The following PCOLCE2 variants were observed in gnomAD, a reference collection of about 807,000 sequenced individuals.
PCOLCE2 encodes the protein procollagen C-endopeptidase enhancer 2, also known as procollagen C-proteinase enhancer 2.
A neutral mutation model predicts 47.0 loss-of-function variants in PCOLCE2; 42 were observed. The ratio of observed to expected loss-of-function variants is 0.89; its 90% CI spans 0.70 to 1.16. PCOLCE2 has a LOEUF of 1.16. Among genes scored for constraint, PCOLCE2 ranks in the 50% most tolerant of loss-of-function variants. The probability of loss-of-function intolerance (pLI) is 0.00; values close to 1 mark genes in which losing one functional copy is unlikely to be tolerated. For synonymous variants in PCOLCE2, 169 were observed against 191.7 expected, an observed-to-expected ratio of 0.88 and a Z score of 0.98; for missense variants, 500 against 526.1, an observed-to-expected ratio of 0.95 and a Z score of 0.49.
intron 2 of PCOLCE2, among the ~76,000 whole-genome samples, chr3:142,884,016 A>C (rs1175297386): frequency 6.6e-6 from 1 of 152,164 alleles, no homozygotes; most frequent in Non-Finnish European, 1.5e-5. Context: ...TGTCTCCTGC[A>C]CCCAGCACCA....
Position 142,863,495 on chromosome 3 carries a change from G to C in PCOLCE2, c.193-15023C>G, listed in dbSNP as rs1173772668. ...TCTCAGGAAAGAGGACATTTGATCAGATAGATGGGACATGGAAAAACTTTT... is the reference window on the plus strand; with the variant it reads ...TCTCAGGAAAGAGGACATTTGATCACATAGATGGGACATGGAAAAACTTTT... On this transcript the variant is annotated intron_variant, in intron 2 of 8. Coordinates refer to ENST00000295992, the MANE Select transcript of PCOLCE2 (RefSeq NM_013363.4). Among the ~76,000 whole-genome samples the C allele has an allele frequency of 3.3e-5, 5 of 152,202 alleles. 1 individual carries two copies. The highest frequency in any genetic ancestry group is 1.2e-4 in the African/African-American group (5 of 41,438).
rs564142883 is a variant in PCOLCE2 at position 142,822,058 on chromosome 3, C to T, written c.950-1013G>A. ...TCAGCCTCCCAAGTAGCTGGGATTA[C>T]AGGCATGCACCACCACACCCAGCTA... On this transcript the variant is annotated intron_variant, in intron 7 of 8. Transcript: ENST00000295992. Among the ~76,000 whole-genome samples the T allele has an allele frequency of 3.9e-5, 6 of 152,208 alleles. No individual in the cohort carries two copies. The South Asian group carries it at 1.2e-3, about 32-fold the overall frequency.
At chr3:142,859,130 T>G (rs1396809121) in intron 2 of PCOLCE2, among the ~76,000 whole-genome samples, 1 of 151,806 alleles carries the variant, frequency 6.6e-6, no homozygotes, top group African/African-American at 2.4e-5. Context: ...TGGCATGATC[T>G]CAGCTCATTG....
intron 3 of PCOLCE2, among the ~76,000 whole-genome samples, chr3:142,845,713 C>T (rs560053609): frequency 6.6e-6 from 1 of 152,208 alleles, no homozygotes; most frequent in Non-Finnish European, 1.5e-5. Context: ...GTGGCTCACA[C>T]CTGTAATCCT....
chr3:142,858,525 T>C (rs1365906379), intron 2 of PCOLCE2, among the ~76,000 whole-genome samples: 3 of 152,166 alleles, frequency 2.0e-5, no homozygotes, highest in Non-Finnish European at 2.9e-5. Context: ...TGCGTGCGTG[T>C]GTGTGCGTGT....
chr3:142,836,135 T>C (rs998181988), intron 5 of PCOLCE2, among the ~76,000 whole-genome samples: 6 of 152,186 alleles, frequency 3.9e-5, no homozygotes, highest in African/African-American at 1.4e-4. Flanking sequence ...GACAGTCAGG[T>C]AGTGTAAATT....
chr3:142,820,784 G>T, intron 8 of PCOLCE2, 94 bp downstream of exon 8: 1 of 1,042,508 alleles, frequency 9.6e-7, no homozygotes, highest in Non-Finnish European at 1.4e-6. Flanking sequence ...CAAGAAGTGG[G>T]CAACATATTA....
chr3:142,842,700 T>C lies in PCOLCE2; in HGVS notation c.573+224A>G, dbSNP rs556059306. Among the ~76,000 whole-genome samples, 2 of 151,480 alleles carry C rather than the reference T, an allele frequency of 1.3e-5. No individual in the cohort carries two copies. Among genetic ancestry groups the C allele is most frequent in the African/African-American group, 4.9e-5 (2 of 41,222 alleles). On this transcript the variant is annotated intron_variant, in intron 4 of 8. Coordinates refer to ENST00000295992, the MANE Select transcript of PCOLCE2 (RefSeq NM_013363.4). The surrounding 1 kb of genome is among the most constrained non-coding windows in gnomAD (Gnocchi z 4.1). ...GTTGCGGTGAGCTGAGATCGCACCA[T>C]TGCACTCCAGACAGGGCGACAAGAG...
chr3:142,886,476 T>C (rs1381660065), intron 2 of PCOLCE2, among the ~76,000 whole-genome samples: 1 of 152,244 alleles, frequency 6.6e-6, no homozygotes, highest in Non-Finnish European at 1.5e-5. Context: ...TTTCTATGAC[T>C]TCTTTCCTGG....
chr3:142,873,990 T>C (rs1933447237), intron 2 of PCOLCE2, among the ~76,000 whole-genome samples: 1 of 152,182 alleles, frequency 6.6e-6, no homozygotes, highest in Non-Finnish European at 1.5e-5. Flanking sequence ...AGGAGGAGCC[T>C]GGTGGGAGGT....
At chr3:142,840,611 T>C (rs552623002) in intron 4 of PCOLCE2, among the ~76,000 whole-genome samples, 18 of 152,352 alleles carry the variant, frequency 1.2e-4, no homozygotes, top group Middle Eastern at 6.8e-3. Context: ...TGGACTGAAC[T>C]ACCTTTTAAA....
At chr3:142,835,996 A>G (rs1468387199) in intron 5 of PCOLCE2, among the ~76,000 whole-genome samples, 1 of 131,364 alleles carries the variant, frequency 7.6e-6, no homozygotes, top group Non-Finnish European at 1.8e-5. Context: ...TTTCTTTTGC[A>G]CTGAATTTTT....
At chr3:142,838,697 G>A in intron 5 of PCOLCE2, 73 bp downstream of exon 5, 1 of 1,340,436 alleles carries the variant, frequency 7.5e-7, no homozygotes, top group Non-Finnish European at 1.1e-6. Flanking sequence ...GAAAACAAAT[G>A]TGATTGGGAA....
rs77565355 is a variant in PCOLCE2, at chr3:142,843,111, G to A, written c.449-63C>T. On this transcript the variant is annotated intron_variant, in intron 3 of 8. Coordinates refer to ENST00000295992, the MANE Select transcript of PCOLCE2 (RefSeq NM_013363.4). ...ATGTAGGTTACAGCAATACAACCATGTGGAGATTAGGAATGTGGGATCTTT... is the reference window on the plus strand; with the variant it reads ...ATGTAGGTTACAGCAATACAACCATATGGAGATTAGGAATGTGGGATCTTT... 3.5e-3 allele frequency: 5,287 copies of A among 1,510,222 alleles called. 39 individuals are homozygous for A. The highest frequency in any genetic ancestry group is 0.02 in the South Asian group (1,691 of 86,582). The allele number at this position is 1,510,222 out of a possible 1,614,324, so 93.6% of individuals were successfully genotyped here.
intron 5 of PCOLCE2, 126 bp downstream of exon 5, chr3:142,838,644 G>A: frequency 3.8e-6 from 3 of 792,416 alleles, no homozygotes; most frequent in Non-Finnish European, 6.3e-6. Context: ...ACTAATAGAG[G>A]ACCCAATAAT....
At chr3:142,836,977 G>A (rs1208466933) in intron 5 of PCOLCE2, among the ~76,000 whole-genome samples, 1 of 152,212 alleles carries the variant, frequency 6.6e-6, no homozygotes, top group Non-Finnish European at 1.5e-5. Context: ...AAGGGGCTTT[G>A]CAGATGTGAG....
At chr3:142,863,260 C>G (rs577586671) in intron 2 of PCOLCE2, among the ~76,000 whole-genome samples, 1 of 152,206 alleles carries the variant, frequency 6.6e-6, no homozygotes, top group African/African-American at 2.4e-5. Context: ...GGGTTTCAAG[C>G]CCTGCAGGTA....
chr3:142,865,113 T>G (rs1027458647), intron 2 of PCOLCE2, among the ~76,000 whole-genome samples: 2 of 152,066 alleles, frequency 1.3e-5, no homozygotes, highest in Non-Finnish European at 2.9e-5. Context: ...TGTATGAGAG[T>G]TTCAACTTCT....
chr3:142,827,100 T>C lies in PCOLCE2; in HGVS notation c.865+2592A>G, dbSNP rs1021355321. On this transcript the variant is annotated intron_variant, in intron 6 of 8. Coordinates refer to ENST00000295992, the MANE Select transcript of PCOLCE2 (RefSeq NM_013363.4). ...ACTTTATTGAGCCCCTTAGCACTAG[T>C]TCTCTTTCTCCTGCACAGTCTTGGT... The C allele has an allele frequency of 9.9e-6, 14 of 1,419,862 alleles. No homozygotes were observed. The Admixed American group carries it at 1.4e-4, about 14-fold the overall frequency. 88.0% of individuals were successfully genotyped at this position (1,419,862 alleles called of 1,614,324 possible).
Sources: gnomAD v4.1 joint callset for allele counts (sites outside exome capture counted in the v4.1 genomes callset) on GRCh38, gnomAD v4.1.1 for gene constraint, Gnocchi (gnomAD v3.1) non-coding constraint, MANE v1.5 for transcripts, NCBI Gene and HGNC (gene_info 2026-07-23, HGNC 2026-07-21) for gene names.